The following DACH1 variants were observed in gnomAD, a reference collection of about 807,000 sequenced individuals.
DACH1 encodes dachshund homolog 1.
In DACH1, 12 loss-of-function variants were observed where a neutral mutation model predicts 54.2. That is an observed-to-expected ratio of 0.22 (90% CI 0.14 to 0.36). DACH1 has a LOEUF of 0.36. Ranked by LOEUF, DACH1 falls within the 10% of genes least tolerant of loss-of-function variation. The pLI is 1.00. For synonymous variants in DACH1, 386 were observed against 366.2 expected, an observed-to-expected ratio of 1.05 and a Z score of -0.62; for missense variants, 805 against 929.8, an observed-to-expected ratio of 0.87 and a Z score of 1.75.
intron 7 of DACH1, among the ~76,000 whole-genome samples, chr13:71,480,210 C>T (rs1050151317): frequency 5.3e-5 from 8 of 152,010 alleles, no homozygotes; most frequent in Middle Eastern, 3.4e-3. Flanking sequence ...TCTTGAGATA[C>T]GTAATATATT....
intron 3 of DACH1, among the ~76,000 whole-genome samples, chr13:71,597,707 C>T (rs892775254): frequency 3.9e-5 from 6 of 152,198 alleles, no homozygotes; most frequent in African/African-American, 1.4e-4. Context: ...TCATCACTGT[C>T]CCTACCTTCC....
At chr13:71,746,090 C>T (rs1320285039) in intron 1 of DACH1, among the ~76,000 whole-genome samples, 4 of 151,946 alleles carry the variant, frequency 2.6e-5, no homozygotes, top group Non-Finnish European at 4.4e-5. Context: ...TGGTGGCACA[C>T]GCCTGTAACC....
At chr13:71,464,795 C>G (rs1374093612) in intron 10 of DACH1, 3 of 439,310 alleles carry the variant, frequency 6.8e-6, no homozygotes, top group South Asian at 4.9e-5. Context: ...AGTGAGCACA[C>G]AGAAATCTGT....
At chr13:71,706,581 T>C (rs1882460700) in intron 1 of DACH1, among the ~76,000 whole-genome samples, 1 of 152,158 alleles carries the variant, frequency 6.6e-6, no homozygotes, top group Non-Finnish European at 1.5e-5. Flanking sequence ...AAAATAAAAT[T>C]GATTTCTTCA....
intron 1 of DACH1, among the ~76,000 whole-genome samples, chr13:71,747,240 G>A (rs1477274658): frequency 6.6e-6 from 1 of 150,890 alleles, no homozygotes; most frequent in African/African-American, 2.4e-5. Flanking sequence ...GTAATGTAAT[G>A]TAGTCCACAC....
At chr13:71,849,498 CA>C (rs1458204382) in intron 1 of DACH1, among the ~76,000 whole-genome samples, 1 of 152,150 alleles carries the variant, frequency 6.6e-6, no homozygotes. Flanking sequence ...GCCAGGCAGT[CA>C]ATGTGATTTA....
rs1233772109 is a variant in DACH1, at chr13:71,438,171, A to T, written c.*2484T>A. The T allele has an allele frequency of 6.6e-6, 1 of 152,416 alleles. No homozygotes were observed. The highest frequency in any genetic ancestry group is 1.5e-5 in the Non-Finnish European group (1 of 67,854). 9.4% of individuals were successfully genotyped at this position (152,416 alleles called of 1,614,324 possible). A position where few individuals can be genotyped will look rare whatever the true frequency, so the allele number is the denominator to read the frequency against. On this transcript the variant is annotated 3_prime_UTR_variant, in exon 11 of 11. Transcript: ENST00000613252. The stretch of plus-strand genomic sequence containing the variant: ...TTCGTAATAACCTTTTATCATTTTT[A>T]GAAAACTTTAAATATATAGATAAAA...
chr13:71,820,009 G>A (rs1233186602), intron 1 of DACH1, among the ~76,000 whole-genome samples: 1 of 137,450 alleles, frequency 7.3e-6, no homozygotes, highest in Non-Finnish European at 1.5e-5. Context: ...GCTCACTCCT[G>A]TAATCCCACT....
chr13:71,732,610 A>T (rs1883803383), intron 1 of DACH1, among the ~76,000 whole-genome samples: 1 of 150,736 alleles, frequency 6.6e-6, no homozygotes, highest in Non-Finnish European at 1.5e-5. Context: ...AAAAGTCACC[A>T]ATTGGGTCCC....
chr13:71,858,702 T>G (rs1874161452), intron 1 of DACH1, among the ~76,000 whole-genome samples: 1 of 151,798 alleles, frequency 6.6e-6, no homozygotes, highest in Non-Finnish European at 1.5e-5. Flanking sequence ...ACTCTCTGCA[T>G]CTATGAGTTC....
At chr13:71,529,218 G>A (rs1257081863) in intron 6 of DACH1, among the ~76,000 whole-genome samples, 7 of 126,900 alleles carry the variant, frequency 5.5e-5, no homozygotes, top group Non-Finnish European at 7.8e-5. Context: ...GCAGAATCTC[G>A]CTGTGTCACC....
intron 1 of DACH1, among the ~76,000 whole-genome samples, chr13:71,786,909 A>G (rs1594220240): frequency 6.6e-6 from 1 of 152,188 alleles, no homozygotes; most frequent in East Asian, 1.9e-4. Flanking sequence ...TGGACCAAAG[A>G]ATTTTCTCCG....
intron 6 of DACH1, among the ~76,000 whole-genome samples, chr13:71,544,928 C>A (rs1221436837): frequency 6.6e-6 from 1 of 151,920 alleles, no homozygotes; most frequent in Non-Finnish European, 1.5e-5. Context: ...AGATGGAGCA[C>A]CAGAATGTGA....
intron 1 of DACH1, among the ~76,000 whole-genome samples, chr13:71,800,813 C>G (rs1437775326): frequency 3.3e-5 from 5 of 151,676 alleles, no homozygotes. Context: ...AGATATCGCT[C>G]TTTGATCATT....
chr13:71,576,657 C>T (rs1885544539), intron 3 of DACH1, among the ~76,000 whole-genome samples: 2 of 152,090 alleles, frequency 1.3e-5, no homozygotes, highest in Admixed American at 1.3e-4. Flanking sequence ...AAATGGTTTT[C>T]GTTTTCCTCT....
intron 6 of DACH1, among the ~76,000 whole-genome samples, chr13:71,545,455 A>G (rs1883398967): frequency 6.6e-6 from 1 of 151,928 alleles, no homozygotes; most frequent in South Asian, 2.1e-4. Context: ...ATGCTTCATT[A>G]GTAACCTCAA....
intron 10 of DACH1, chr13:71,464,611 A>G (rs1047879231): frequency 4.5e-6 from 2 of 448,134 alleles, no homozygotes; most frequent in African/African-American, 2.0e-5. Context: ...TGCAAATTAG[A>G]CCCATGCAAA....
chr13:71,654,458 G>GTAAAATAAAA (rs58963611), intron 2 of DACH1, among the ~76,000 whole-genome samples: 1,540 of 70,902 alleles, frequency 0.022, 74 homozygotes, highest in East Asian at 0.13. Context: ...ATAAAATAAA[G>GTAAAATAAAA]TAAAATAAAA....
chr13:71,569,136 C>A (rs910434724), intron 4 of DACH1, among the ~76,000 whole-genome samples: 2 of 152,030 alleles, frequency 1.3e-5, no homozygotes, highest in African/African-American at 4.8e-5. Context: ...TTCCTCAGTG[C>A]ATTTAATTCT....
Sources: gnomAD v4.1 joint callset for allele counts (sites outside exome capture counted in the v4.1 genomes callset) on GRCh38, gnomAD v4.1.1 for gene constraint, MANE v1.5 for transcripts, NCBI Gene and HGNC (gene_info 2026-07-23, HGNC 2026-07-21) for gene names.